Variants in AP2B1 observed in about 807,000 individuals in gnomAD.
AP2B1 encodes adaptor related protein complex 2 subunit beta 1.
Under a neutral mutation model 102.0 loss-of-function variants are expected in AP2B1, and 23 were observed. The observed-to-expected ratio is 0.23, with a 90% CI of 0.16 to 0.32. The LOEUF is 0.32. AP2B1 is among the 10% of genes least tolerant of loss of function. The pLI is 1.00. For missense variants in AP2B1, 541 were observed against 1,157.4 expected, an observed-to-expected ratio of 0.47 and a Z score of 7.73; for synonymous variants, 381 against 421.2, an observed-to-expected ratio of 0.90 and a Z score of 1.17.
intron 14 of AP2B1, among the ~76,000 whole-genome samples, chr17:35,658,519 C>A (rs2075285841): frequency 6.6e-6 from 1 of 152,058 alleles, no homozygotes; most frequent in Admixed American, 6.5e-5. Context: ...TAAGGGTGAC[C>A]ATCAATCTAT....
intron 5 of AP2B1, among the ~76,000 whole-genome samples, chr17:35,623,572 T>C (rs2074241655): frequency 2.0e-5 from 3 of 152,086 alleles, no homozygotes; most frequent in Admixed American, 6.5e-5. Context: ...CATTGAATCT[T>C]TAATGCCACT....
At chr17:35,698,340 C>G (rs995465386) in intron 18 of AP2B1, among the ~76,000 whole-genome samples, 3 of 151,990 alleles carry the variant, frequency 2.0e-5, no homozygotes, top group African/African-American at 7.2e-5. Context: ...ACAGCATTCT[C>G]ACACTGTCTC....
At chr17:35,632,679 A>C (rs1389859795) in intron 9 of AP2B1, among the ~76,000 whole-genome samples, 1 of 151,588 alleles carries the variant, frequency 6.6e-6, no homozygotes, top group Non-Finnish European at 1.5e-5. Flanking sequence ...TTTTAATCAA[A>C]AGCAGTATGG....
chr17:35,709,791 G>A (rs935895381), intron 19 of AP2B1, among the ~76,000 whole-genome samples: 5 of 149,542 alleles, frequency 3.3e-5, no homozygotes, highest in East Asian at 3.8e-4. Flanking sequence ...CAGAACTCCC[G>A]ATGTGCCTAT....
intron 5 of AP2B1, among the ~76,000 whole-genome samples, chr17:35,612,690 G>A (rs960408788): frequency 2.0e-5 from 3 of 152,108 alleles, no homozygotes; most frequent in Non-Finnish European, 2.9e-5. Flanking sequence ...CTAAAATCAT[G>A]CAGCTAGTAG....
rs1371249661 is a variant in AP2B1 at position 35,664,848 on chromosome 17, T to C, written c.1990-6009T>C. Among the ~76,000 whole-genome samples, 3 of 152,190 alleles carry C rather than the reference T, an allele frequency of 2.0e-5. No individual in the cohort carries two copies. The East Asian group carries it at 5.8e-4, about 29-fold the overall frequency. ...TTGTTGATTTTTACTATATTCATCATTGAGTTCTGTCTGACCTAAGAGACC... is the reference window on the plus strand; with the variant it reads ...TTGTTGATTTTTACTATATTCATCACTGAGTTCTGTCTGACCTAAGAGACC... On this transcript the variant is annotated intron_variant, in intron 14 of 21. Transcript: ENST00000610402.
Position 35,717,337 on chromosome 17 carries a change from C to T in AP2B1, c.2769C>T (p.Asn923=). 1.2e-6 allele frequency: 2 copies of T among 1,614,120 alleles called. No homozygotes were observed. Among genetic ancestry groups the T allele is most frequent in the Non-Finnish European group, 1.7e-6 (2 of 1,179,988 alleles). The change falls in exon 21 of 22, where the codon AAC becomes AAT. Residue 923 remains asparagine, a synonymous_variant. Transcript: ENST00000610402. ...ILAELRIQPG[N]PNYTLSLKCR... ...CCGAACTACGTATCCAGCCAGGAAA[C>T]CCCAATTACACGGTAAGGCCTTTCT...
intron 18 of AP2B1, among the ~76,000 whole-genome samples, chr17:35,696,099 T>A (rs1248233341): frequency 6.6e-6 from 1 of 152,130 alleles, no homozygotes; most frequent in Admixed American, 6.5e-5. Flanking sequence ...TAGCTATGCC[T>A]TTCCCTCCCT....
At position 35,673,478 on chromosome 17, in the gene AP2B1, C is replaced by A. The variant is rs1253807727; in HGVS notation, c.2179-698C>A. ...CTGGGATTGCAGGCGTGAGCCACCACGCCTGGCCTTAAATTTTTTTATCTT... is the reference window on the plus strand; with the variant it reads ...CTGGGATTGCAGGCGTGAGCCACCAAGCCTGGCCTTAAATTTTTTTATCTT... On this transcript the variant is annotated intron_variant, in intron 16 of 21. Transcript: ENST00000610402. Among the ~76,000 whole-genome samples the A allele has an allele frequency of 1.1e-4, 17 of 152,112 alleles. 1 individual carries two copies. Among genetic ancestry groups the A allele is most frequent in the Admixed American group, 1.1e-3 (17 of 15,274 alleles).
intron 18 of AP2B1, 96 bp from the exon 19 acceptor site, chr17:35,709,128 G>A: frequency 9.5e-7 from 1 of 1,047,888 alleles, no homozygotes; most frequent in Non-Finnish European, 1.5e-6. Context: ...AAAGAGGAAG[G>A]AAATAGGGAG....
intron 18 of AP2B1, among the ~76,000 whole-genome samples, chr17:35,692,369 A>G (rs226086): frequency 0.36 from 54,271 of 152,126 alleles, 9,886 homozygotes; most frequent in East Asian, 0.45. Flanking sequence ...CTAGGAGTTA[A>G]TGATGGATAA....
At chr17:35,712,266 C>T (rs782138773) in intron 20 of AP2B1, among the ~76,000 whole-genome samples, 12 of 152,136 alleles carry the variant, frequency 7.9e-5, no homozygotes, top group Non-Finnish European at 1.8e-4. Context: ...GTTATATTCA[C>T]CTTTGTGGGA....
At chr17:35,599,846 G>A (rs2142343106) in intron 3 of AP2B1, among the ~76,000 whole-genome samples, 1 of 152,234 alleles carries the variant, frequency 6.6e-6, no homozygotes, top group Admixed American at 6.5e-5. Flanking sequence ...GGAGGCGGAG[G>A]TTGCAGTGAG....
intron 14 of AP2B1, among the ~76,000 whole-genome samples, chr17:35,664,899 T>G (rs1250158187): frequency 6.6e-6 from 1 of 152,192 alleles, no homozygotes; most frequent in Non-Finnish European, 1.5e-5. Flanking sequence ...AAGGACTTTT[T>G]GTCTTACATC....
chr17:35,594,266 A>C (rs1188505000), intron 2 of AP2B1, among the ~76,000 whole-genome samples, 199 bp downstream of exon 2: 1 of 152,200 alleles, frequency 6.6e-6, no homozygotes, highest in Non-Finnish European at 1.5e-5. Context: ...GCTGTGATGC[A>C]CATTATTATG....
intron 5 of AP2B1, among the ~76,000 whole-genome samples, chr17:35,616,494 A>T (rs1229380235): frequency 6.6e-6 from 1 of 152,148 alleles, no homozygotes; most frequent in African/African-American, 2.4e-5. Flanking sequence ...TAGAGGAACA[A>T]TTTTAAATTT....
At chr17:35,670,828 C>G (rs372993948) in intron 14 of AP2B1, 29 bp from the exon 15 acceptor site, 13 of 1,611,746 alleles carry the variant, frequency 8.1e-6, no homozygotes, top group Non-Finnish European at 1.1e-5. Flanking sequence ...CTCTACCTCT[C>G]TCTCCTCTCT....
intron 10 of AP2B1, among the ~76,000 whole-genome samples, chr17:35,637,742 G>A (rs192229287): frequency 6.1e-5 from 9 of 146,632 alleles, no homozygotes; most frequent in African/African-American, 2.3e-4. Context: ...CTGGAGTGCA[G>A]TAGCGTGATC....
At chr17:35,629,719 G>T (rs1325256001) in intron 9 of AP2B1, among the ~76,000 whole-genome samples, 2 of 152,196 alleles carry the variant, frequency 1.3e-5, no homozygotes, top group East Asian at 3.8e-4. Flanking sequence ...ACATAGGCAA[G>T]GCTGTCGACT....
Sources: gnomAD v4.1 joint callset for allele counts (sites outside exome capture counted in the v4.1 genomes callset) on GRCh38, gnomAD v4.1.1 for gene constraint, MANE v1.5 for transcripts, NCBI Gene and HGNC (gene_info 2026-07-23, HGNC 2026-07-21) for gene names.